PARP15: variants seen among roughly 807,000 people sequenced by gnomAD.
PARP15 encodes protein mono-ADP-ribosyltransferase PARP15.
PARP15 carries 50 observed loss-of-function variants against 62.1 expected under a neutral mutation model. The ratio of observed to expected loss-of-function variants is 0.81; its 90% CI spans 0.64 to 1.02. PARP15 has a LOEUF of 1.02. Among genes scored for constraint, PARP15 ranks in the 50% least tolerant of loss-of-function variants. The pLI is 0.00. For synonymous variants in PARP15, 309 were observed against 293.1 expected (o/e 1.05, Z -0.55); for missense variants, 820 against 826.5 (o/e 0.99, Z 0.10).
intron 9 of PARP15, among the ~76,000 whole-genome samples, chr3:122,628,284 C>A (rs1240382569): frequency 6.6e-6 from 1 of 152,120 alleles, no homozygotes; most frequent in Non-Finnish European, 1.5e-5. Context: ...AGGCAGGGAA[C>A]CGGAATTACA....
intron 1 of PARP15, among the ~76,000 whole-genome samples, chr3:122,580,010 T>TGCATAA: frequency 8.8e-6 from 1 of 113,600 alleles, no homozygotes; most frequent in African/African-American, 3.1e-5. Flanking sequence ...TATATATATA[T>TGCATAA]ATATATATAT....
rs1016862112 is a variant in PARP15, at chr3:122,636,002, T to C, written c.1939T>C (p.Phe647Leu). The C allele has an allele frequency of 2.5e-6, 4 of 1,614,006 alleles. No homozygotes were observed. Among genetic ancestry groups the C allele is most frequent in the African/African-American group, 1.3e-5 (1 of 74,908 alleles). ...PKNPHNPTDL[F>L]DSVTNNTRSP... is the part of the protein sequence containing the mutation. The stretch of plus-strand genomic sequence containing the variant: ...GAATCCTCACAATCCCACAGATCTC[T>C]TTGACTCAGTGACAAACAATACACG... Residue 647 changes from phenylalanine to leucine, a missense_variant, in exon 12 of 12, where the codon TTT (phenylalanine) becomes CTT (leucine). Physicochemically the swap from Phe to Leu is conservative, Grantham distance 22. Transcript: ENST00000464300.
In PARP15 at chr3:122,615,347, A is replaced by G. The variant is rs760130671; in HGVS notation, c.772-432A>G. The G allele has an allele frequency of 1.0e-5, 13 of 1,292,718 alleles. No homozygotes were observed. The South Asian group carries it at 1.6e-4, about 16-fold the overall frequency. The allele number at this position is 1,292,718 out of a possible 1,614,324, so 80.1% of individuals were successfully genotyped here. On this transcript the variant is annotated intron_variant, in intron 4 of 11. Coordinates refer to ENST00000464300, the MANE Select transcript of PARP15 (RefSeq NM_001113523.3). Reference sequence around the variant, plus strand: ...TATGTATTTGTTGTTAATCAACCCCAGAATGTACCTAACAGCCAAAGATGC... The same window carrying G: ...TATGTATTTGTTGTTAATCAACCCCGGAATGTACCTAACAGCCAAAGATGC...
intron 1 of PARP15, among the ~76,000 whole-genome samples, chr3:122,596,374 A>G (rs892685268): frequency 1.3e-5 from 2 of 151,010 alleles, no homozygotes; most frequent in Non-Finnish European, 3.0e-5. Context: ...AAAAAAAAAA[A>G]AAAAAAGCAT....
chr3:122,620,480 A>C (rs1298869324), intron 7 of PARP15, among the ~76,000 whole-genome samples: 2 of 152,180 alleles, frequency 1.3e-5, no homozygotes, highest in African/African-American at 4.8e-5. Context: ...CATGTTTGAC[A>C]ATGTATTCCC....
rs370078102 is a variant in PARP15, at chr3:122,617,181, A to G, written c.1000+17A>G. ...GGAAATCAGGTACTTTATTTAAGCA[A>G]TATATTGTAATTATTAGTATGACTA... On this transcript the variant is annotated intron_variant, in intron 6 of 11. Coordinates refer to ENST00000464300, the MANE Select transcript of PARP15 (RefSeq NM_001113523.3). The G allele has an allele frequency of 1.3e-6, 2 of 1,598,366 alleles. No individual in the cohort carries two copies. Among genetic ancestry groups the G allele is most frequent in the Non-Finnish European group, 1.7e-6 (2 of 1,167,996 alleles).
chr3:122,587,276 A>G (rs905359420), intron 1 of PARP15, among the ~76,000 whole-genome samples: 2 of 152,142 alleles, frequency 1.3e-5, no homozygotes, highest in East Asian at 3.8e-4. Flanking sequence ...AGATTTTTGC[A>G]TGGGCAAAAG....
intron 1 of PARP15, among the ~76,000 whole-genome samples, chr3:122,580,123 C>G (rs1472229485): frequency 1.3e-5 from 2 of 149,516 alleles, no homozygotes; most frequent in Admixed American, 6.7e-5. Context: ...CACTTGAAAA[C>G]AAAGTACATT....
chr3:122,615,984 G>A, intron 5 of PARP15, 127 bp downstream of exon 5: 2 of 857,808 alleles, frequency 2.3e-6, no homozygotes, highest in Non-Finnish European at 3.7e-6. Context: ...TGGGGGAGGT[G>A]TTAGAGCATG....
In PARP15 at chr3:122,613,121, A is replaced by G. The variant is rs746366865; in HGVS notation, c.624A>G (p.Gly208=). The change falls in exon 4 of 12, where the codon GGA becomes GGG. Residue 208 remains glycine (G), a synonymous_variant. Transcript: ENST00000464300. ...SFSSITFPMI[G]TGSLQFPKAV... is the part of the protein sequence containing the mutation. ...CATCAATCACATTTCCCATGATTGGAACAGGAAGTTTGCAGTTTCCCAAAG... is the reference window on the plus strand; with the variant it reads ...CATCAATCACATTTCCCATGATTGGGACAGGAAGTTTGCAGTTTCCCAAAG... 1.6e-5 allele frequency: 25 copies of G among 1,551,702 alleles called. No homozygotes were observed. The highest frequency in any genetic ancestry group is 1.2e-5 in the South Asian group (1 of 84,068).
chr3:122,584,573 C>CTTTTTTTTTTTTTTTTTTTTTTT lies in PARP15; in HGVS notation c.186+6720_186+6721insTTTTTTTTTTTTTTTTTTTTTTT, dbSNP rs377394521. 2.2e-5 allele frequency among the ~76,000 whole-genome samples: 3 copies of CTTTTTTTTTTTTTTTTTTTTTTT among 136,908 alleles called. 1 individual carries two copies. Among genetic ancestry groups the CTTTTTTTTTTTTTTTTTTTTTTT allele is most frequent in the Non-Finnish European group, 3.1e-5 (2 of 64,942 alleles). 89.8% of individuals were successfully genotyped at this position (136,908 alleles called of 152,430 possible). A position where few individuals can be genotyped will look rare whatever the true frequency, so the allele number is the denominator to read the frequency against. ...TAAGGAAATATTCATCCATTTCTTT[C>CTTTTTTTTTTTTTTTTTTTTTTT]CTTTTTTTTTTTTTTCCGAGATGGA... On this transcript the variant is annotated intron_variant, in intron 1 of 11. Transcript: ENST00000464300.
chr3:122,611,095 T>C (rs1403187348), intron 3 of PARP15, among the ~76,000 whole-genome samples: 2 of 152,260 alleles, frequency 1.3e-5, no homozygotes, highest in East Asian at 3.9e-4. Flanking sequence ...AGGAGTGGTG[T>C]CTAAGTTGTA....
chr3:122,606,757 C>T (rs1409978237), intron 2 of PARP15, among the ~76,000 whole-genome samples: 1 of 152,140 alleles, frequency 6.6e-6, no homozygotes, highest in Admixed American at 6.6e-5. Flanking sequence ...GAAAGCATTC[C>T]AAGTGATTAT....
rs1347531261 is a variant in PARP15, at chr3:122,638,831, C to A, written c.*2731C>A. 1 of 152,088 alleles carries A rather than the reference C, an allele frequency of 6.6e-6. No homozygotes were observed. The highest frequency in any genetic ancestry group is 1.5e-5 in the Non-Finnish European group (1 of 68,008). The allele number at this position is 152,088 out of a possible 1,614,324, so 9.4% of individuals were successfully genotyped here. A position where few individuals can be genotyped will look rare whatever the true frequency, so the allele number is the denominator to read the frequency against. On this transcript the variant is annotated 3_prime_UTR_variant, in exon 12 of 12. Transcript: ENST00000464300. ...TAGATCCCATATTTCTACCATTTTTCATTAAACATTACAAGTTGTTCTCTT... is the reference window on the plus strand; with the variant it reads ...TAGATCCCATATTTCTACCATTTTTAATTAAACATTACAAGTTGTTCTCTT...
At chr3:122,583,804 T>C (rs6785492) in intron 1 of PARP15, among the ~76,000 whole-genome samples, 56,478 of 152,022 alleles carry the variant, frequency 0.37, 10,919 homozygotes, top group Admixed American at 0.46. Flanking sequence ...TATTCTTAGC[T>C]CTTTTGTCAT....
intron 1 of PARP15, among the ~76,000 whole-genome samples, chr3:122,595,273 G>A (rs578043184): frequency 5.3e-5 from 8 of 151,806 alleles, no homozygotes; most frequent in South Asian, 2.1e-4. Context: ...TTTCTTGATC[G>A]AAATTTGTCT....
rs1010864302 is a variant in PARP15 at position 122,577,777 on chromosome 3, G to C, written c.110G>C (p.Arg37Pro). The C allele has an allele frequency of 7.7e-6, 12 of 1,551,444 alleles. No homozygotes were observed. Among genetic ancestry groups the C allele is most frequent in the African/African-American group, 4.1e-5 (3 of 73,042 alleles). The change falls in exon 1 of 12, where the codon CGG becomes CCG. Residue 37 changes from arginine to proline, a missense_variant. This residue lies in a region of PARP15 where 731 missense variants were observed against 727.7 expected (regional missense o/e 1.00). Coordinates refer to ENST00000464300, the MANE Select transcript of PARP15 (RefSeq NM_001113523.3). ...GTTACTTCCAGAGCCGGACGAGATC[G>C]GGAGGCGGGGAGCGTGCTGCCGGCC... ...AGVTSRAGRD[R>P]EAGSVLPAGN...
At chr3:122,591,783 G>T (rs936513111) in intron 1 of PARP15, among the ~76,000 whole-genome samples, 5 of 82,826 alleles carry the variant, frequency 6.0e-5, no homozygotes, top group Non-Finnish European at 1.3e-4. Context: ...AAAAAAAAAG[G>T]TATTGATAAG....
At chr3:122,615,726 G>C in intron 4 of PARP15, 53 bp from the exon 5 acceptor site, 1 of 1,606,252 alleles carries the variant, frequency 6.2e-7, no homozygotes, top group Non-Finnish European at 8.5e-7. Context: ...CAAAGAATTG[G>C]ATTAATATTT....
Sources: allele counts gnomAD v4.1 joint callset (sites outside exome capture counted in the v4.1 genomes callset), GRCh38; gene constraint gnomAD v4.1.1; regional missense constraint gnomAD v4.1.1; transcripts MANE v1.5; gene names NCBI Gene and HGNC (gene_info 2026-07-23, HGNC 2026-07-21).